Variants in ADAM28 observed in about 807,000 individuals in gnomAD.
The protein encoded by ADAM28 is disintegrin and metalloproteinase domain-containing protein 28.
A neutral mutation model predicts 101.2 loss-of-function variants in ADAM28; 105 were observed. The observed-to-expected ratio is 1.04, with a 90% CI of 0.89 to 1.22. ADAM28 has a LOEUF of 1.22. Ranked by LOEUF, ADAM28 falls within the 50% of genes most tolerant of loss-of-function variation. ADAM28 has a pLI of 0.00. For missense variants in ADAM28, 1,028 were observed against 945.4 expected (o/e 1.09, Z -1.15); for synonymous variants, 322 against 310.6 (o/e 1.04, Z -0.39).
chr8:24,351,547 G>A (rs1460505666), intron 20 of ADAM28: 1 of 569,312 alleles, frequency 1.8e-6, no homozygotes, highest in African/African-American at 1.9e-5. Context: ...CATACCGGAT[G>A]TCTGTCTGTC....
In ADAM28 at chr8:24,335,652, A is replaced by G. The variant is rs372141773; in HGVS notation, c.1567+11A>G. On this transcript the variant is annotated intron_variant, in intron 14 of 22. Transcript: ENST00000265769. ...AGCTGTGGGGACCAGGTAGGAGGAC[A>G]AATCCTTTCCCCTGTGCATGTGCGA... The G allele has an allele frequency of 2.3e-5, 36 of 1,586,798 alleles. 1 individual carries two copies. In the African/African-American group the frequency reaches 3.4e-4, roughly 15 times the overall value.
At chr8:24,335,915 A>G in intron 14 of ADAM28, 6 of 1,131,986 alleles carry the variant, frequency 5.3e-6, no homozygotes, top group Non-Finnish European at 6.6e-6. Context: ...CCCATGCAAT[A>G]TTTGAGGTGT....
At position 24,355,633 on chromosome 8, in the gene ADAM28, G is replaced by A. The variant is rs954003589; in HGVS notation, c.*1229G>A. On this transcript the variant is annotated 3_prime_UTR_variant, in exon 23 of 23. Coordinates refer to ENST00000265769, the MANE Select transcript of ADAM28 (RefSeq NM_014265.6). ...TGAATACTCTAGCTGGTACTGCTGC[G>A]CTCCACACGGTGATTATGAAGGCTG... 7 of 145,912 alleles carry A rather than the reference G, an allele frequency of 4.8e-5. No homozygotes were observed. Among genetic ancestry groups the A allele is most frequent in the South Asian group, 4.5e-4 (2 of 4,398 alleles). The allele number at this position is 145,912 out of a possible 1,614,324, so 9.0% of individuals were successfully genotyped here. A position where few individuals can be genotyped will look rare whatever the true frequency, so the allele number is the denominator to read the frequency against.
intron 8 of ADAM28, chr8:24,322,781 T>C (rs888338118): frequency 3.9e-5 from 6 of 152,028 alleles, no homozygotes; most frequent in African/African-American, 1.4e-4. Context: ...GCTTTTCCTG[T>C]TTTCCAAACT....
At chr8:24,344,929 C>T (rs1340065931) in intron 18 of ADAM28, among the ~76,000 whole-genome samples, 1 of 151,102 alleles carries the variant, frequency 6.6e-6, no homozygotes, top group Admixed American at 6.6e-5. Flanking sequence ...AATTAATATT[C>T]TATATCATAG....
chr8:24,327,854 T>G (rs1161379204), intron 10 of ADAM28, among the ~76,000 whole-genome samples: 1 of 152,176 alleles, frequency 6.6e-6, no homozygotes, highest in African/African-American at 2.4e-5. Flanking sequence ...TGCCTCTAAC[T>G]CTTTCTTCCC....
intron 6 of ADAM28, among the ~76,000 whole-genome samples, chr8:24,316,951 A>G (rs1811238463): frequency 6.6e-6 from 1 of 152,020 alleles, no homozygotes; most frequent in Non-Finnish European, 1.5e-5. Flanking sequence ...AATCAAGAAC[A>G]CCATTCCATT....
rs4451321 is a variant in ADAM28 at position 24,352,116 on chromosome 8, C to T, written c.2244+64C>T. Reference sequence around the variant, plus strand: ...ATCTCCAGGAAATATCGGTGAAAGTCATAGCCCACAACACTTCATTATTTC... The same window carrying T: ...ATCTCCAGGAAATATCGGTGAAAGTTATAGCCCACAACACTTCATTATTTC... On this transcript the variant is annotated intron_variant, in intron 21 of 22. Coordinates refer to ENST00000265769, the MANE Select transcript of ADAM28 (RefSeq NM_014265.6). 4.4e-6 allele frequency: 6 copies of T among 1,373,952 alleles called. No homozygotes were observed. In the Admixed American group the frequency reaches 5.0e-5, roughly 12 times the overall value. 85.1% of individuals were successfully genotyped at this position (1,373,952 alleles called of 1,614,324 possible). A position where few individuals can be genotyped will look rare whatever the true frequency, so the allele number is the denominator to read the frequency against.
At chr8:24,299,898 G>T in intron 1 of ADAM28, 76 bp from the exon 2 acceptor site, 1 of 1,005,924 alleles carries the variant, frequency 9.9e-7, no homozygotes, top group Non-Finnish European at 1.5e-6. Flanking sequence ...CATTGGGAAT[G>T]CAGTAAGGAT....
At chr8:24,313,703 C>G in intron 6 of ADAM28, 123 bp downstream of exon 6, 1 of 928,184 alleles carries the variant, frequency 1.1e-6, no homozygotes, top group Non-Finnish European at 1.6e-6. Context: ...AGACACTAAT[C>G]CTTAAATATT....
At chr8:24,348,233 A>AACTT (rs1815648594) in intron 18 of ADAM28, among the ~76,000 whole-genome samples, 1 of 152,158 alleles carries the variant, frequency 6.6e-6, no homozygotes, top group African/African-American at 2.4e-5. Flanking sequence ...AAATAAACTT[A>AACTT]ACTTACTTTC....
intron 1 of ADAM28, among the ~76,000 whole-genome samples, chr8:24,297,445 T>G (rs369738): frequency 0.031 from 4,657 of 152,272 alleles, 80 homozygotes; most frequent in Non-Finnish European, 0.049. Flanking sequence ...ACTCACTTCA[T>G]TTTCTGCTTT....
intron 10 of ADAM28, among the ~76,000 whole-genome samples, chr8:24,329,214 C>T (rs1196188055): frequency 6.6e-6 from 1 of 152,124 alleles, no homozygotes; most frequent in Non-Finnish European, 1.5e-5. Flanking sequence ...AACTTCCCAA[C>T]TTACACAGCT....
chr8:24,310,063 A>G, intron 3 of ADAM28, 93 bp downstream of exon 3: 2 of 1,502,882 alleles, frequency 1.3e-6, no homozygotes, highest in Non-Finnish European at 1.8e-6. Flanking sequence ...GCTCACACAA[A>G]CCTGGACTAA....
chr8:24,347,943 AC>A (rs1247318470), intron 18 of ADAM28, among the ~76,000 whole-genome samples: 1 of 152,094 alleles, frequency 6.6e-6, no homozygotes, highest in Admixed American at 6.6e-5. Context: ...GAAAGCATGC[AC>A]ATATAGTTTT....
At chr8:24,294,353 G>C (rs1585462616) in intron 1 of ADAM28, among the ~76,000 whole-genome samples, 158 bp downstream of exon 1, 1 of 152,056 alleles carries the variant, frequency 6.6e-6, no homozygotes, top group Non-Finnish European at 1.5e-5. Context: ...CCTGTTGTTT[G>C]GGGGCTGCGA....
At chr8:24,322,768 A>C (rs1441454320) in intron 8 of ADAM28, 1 of 152,030 alleles carries the variant, frequency 6.6e-6, no homozygotes, top group African/African-American at 2.4e-5. Flanking sequence ...TGCATTCCTT[A>C]ATGCTTTTCC....
rs564462737 is a variant in ADAM28, at chr8:24,306,253, G to T, written c.151-3641G>T. Among the ~76,000 whole-genome samples, 360 of 151,092 alleles carry T rather than the reference G, an allele frequency of 2.4e-3. 2 individuals carry two copies. The highest frequency in any genetic ancestry group is 3.3e-3 in the Non-Finnish European group (224 of 67,872). On this transcript the variant is annotated intron_variant, in intron 2 of 22. Coordinates refer to ENST00000265769, the MANE Select transcript of ADAM28 (RefSeq NM_014265.6). ...AGCTTCTCAGGAGGCTGAGGCAGGA[G>T]AATCACTTGAACCCTGGGAGGCAGA...
At chr8:24,299,911 C>A in intron 1 of ADAM28, 63 bp from the exon 2 acceptor site, 2 of 1,243,766 alleles carry the variant, frequency 1.6e-6, no homozygotes, top group Non-Finnish European at 2.3e-6. Flanking sequence ...GTAAGGATGG[C>A]CTTTACTGAC....
Sources: gnomAD v4.1 joint callset for allele counts (sites outside exome capture counted in the v4.1 genomes callset) on GRCh38, gnomAD v4.1.1 for gene constraint, MANE v1.5 for transcripts, NCBI Gene and HGNC (gene_info 2026-07-23, HGNC 2026-07-21) for gene names.